Variants in ARSB observed in about 807,000 individuals in gnomAD.
ARSB encodes the protein arylsulfatase B.
Under a neutral mutation model 50.9 loss-of-function variants are expected in ARSB, and 41 were observed. The ratio of observed to expected loss-of-function variants is 0.81; its 90% CI spans 0.63 to 1.04. ARSB has a LOEUF of 1.04. ARSB is among the 50% of genes least tolerant of loss of function. The pLI is 0.00. For missense variants in ARSB, 672 were observed against 693.3 expected (o/e 0.97, Z 0.35); for synonymous variants, 269 against 284.8 (o/e 0.94, Z 0.56).
intron 6 of ARSB, among the ~76,000 whole-genome samples, chr5:78,793,067 C>T (rs1427060978): frequency 6.6e-6 from 1 of 151,822 alleles, no homozygotes; most frequent in Non-Finnish European, 1.5e-5. Flanking sequence ...CCCTTTCATA[C>T]CTGTCTTTGG....
At chr5:78,878,826 A>G (rs1235016693) in intron 5 of ARSB, among the ~76,000 whole-genome samples, 3 of 151,162 alleles carry the variant, frequency 2.0e-5, no homozygotes, top group Non-Finnish European at 4.4e-5. Context: ...ATGATAAAAA[A>G]GAAATTCCTA....
At chr5:78,812,889 G>C (rs1484339800) in intron 6 of ARSB, among the ~76,000 whole-genome samples, 9 of 152,258 alleles carry the variant, frequency 5.9e-5, no homozygotes, top group Non-Finnish European at 1.5e-5. Flanking sequence ...TACTCAGGAG[G>C]CTGATATGGG....
chr5:78,887,639 C>A (rs1748098419), intron 4 of ARSB, among the ~76,000 whole-genome samples: 1 of 152,208 alleles, frequency 6.6e-6, no homozygotes, highest in African/African-American at 2.4e-5. Context: ...TTAAAATTTA[C>A]AACAACCCAA....
chr5:78,971,528 A>G (rs1480770454), intron 1 of ARSB, among the ~76,000 whole-genome samples: 2 of 152,230 alleles, frequency 1.3e-5, no homozygotes, highest in African/African-American at 4.8e-5. Context: ...GTTTGTGAGT[A>G]TTTTATTTGC....
chr5:78,806,324 A>C (rs1179440454), intron 6 of ARSB, among the ~76,000 whole-genome samples: 1 of 152,236 alleles, frequency 6.6e-6, no homozygotes, highest in Non-Finnish European at 1.5e-5. Flanking sequence ...ATATGTAAAG[A>C]TCTTTAGAGA....
chr5:78,905,681 A>T (rs1001768287), intron 4 of ARSB, among the ~76,000 whole-genome samples: 1 of 152,064 alleles, frequency 6.6e-6, no homozygotes, highest in African/African-American at 2.4e-5. Flanking sequence ...CCTGTGTGGC[A>T]TATATGCACT....
chr5:78,965,906 C>A (rs574994748), intron 2 of ARSB, among the ~76,000 whole-genome samples: 3 of 152,144 alleles, frequency 2.0e-5, no homozygotes, highest in African/African-American at 7.2e-5. Context: ...ATATGGCAAT[C>A]TTTTCTCCTA....
intron 6 of ARSB, among the ~76,000 whole-genome samples, chr5:78,818,088 C>T (rs1744067392): frequency 6.6e-6 from 1 of 152,184 alleles, no homozygotes; most frequent in African/African-American, 2.4e-5. Flanking sequence ...ACAGAGGTTG[C>T]AGTGAACCAA....
intron 5 of ARSB, among the ~76,000 whole-genome samples, chr5:78,859,342 G>GA (rs142902355): frequency 0.025 from 3,847 of 152,132 alleles, 113 homozygotes; most frequent in South Asian, 0.11. Flanking sequence ...GTAGTCTAGA[G>GA]AAAAAAGTAA....
intron 6 of ARSB, among the ~76,000 whole-genome samples, chr5:78,838,801 G>T (rs150511130): frequency 6.6e-6 from 1 of 152,170 alleles, no homozygotes; most frequent in South Asian, 2.1e-4. Context: ...GAAGGAAATG[G>T]TAAGGCTCTT....
intron 5 of ARSB, among the ~76,000 whole-genome samples, chr5:78,857,963 C>G (rs763414698): frequency 1.3e-4 from 20 of 152,170 alleles, no homozygotes; most frequent in Non-Finnish European, 2.4e-4. Flanking sequence ...TTACACGTAT[C>G]ATTTCATTCA....
chr5:78,833,871 A>AGCTAAAGAAGCACTT (rs1360112819), intron 6 of ARSB, among the ~76,000 whole-genome samples: 1 of 152,256 alleles, frequency 6.6e-6, no homozygotes, highest in Admixed American at 6.5e-5. Context: ...TAGAAGCTGA[A>AGCTAAAGAAGCACTT]TGAACAGTTT....
Position 78,828,394 on chromosome 5 carries a change from C to A in ARSB, c.1213+10962G>T, listed in dbSNP as rs114470655. ...TAGCTTTCCCATCTCTTCTTTCATG[C>A]CTCCCCTTTGTCCCCCAAATAGGCT... On this transcript the variant is annotated intron_variant, in intron 6 of 7. Coordinates refer to ENST00000264914, the MANE Select transcript of ARSB (RefSeq NM_000046.5). 2.4e-3 allele frequency among the ~76,000 whole-genome samples: 368 copies of A among 152,218 alleles called. 2 individuals are homozygous for A. The highest frequency in any genetic ancestry group is 3.9e-3 in the Non-Finnish European group (262 of 68,018).
At chr5:78,968,212 G>C (rs1486186428) in intron 2 of ARSB, among the ~76,000 whole-genome samples, 1 of 150,224 alleles carries the variant, frequency 6.7e-6, no homozygotes, top group Non-Finnish European at 1.5e-5. Context: ...CAATGGAAGA[G>C]TCTTCCCCCA....
chr5:78,855,488 A>G (rs1746092434), intron 5 of ARSB, among the ~76,000 whole-genome samples: 1 of 152,198 alleles, frequency 6.6e-6, no homozygotes, highest in South Asian at 2.1e-4. Flanking sequence ...TGGGGATGTC[A>G]GGCCATTGGG....
At chr5:78,808,786 C>T (rs1186416994) in intron 6 of ARSB, among the ~76,000 whole-genome samples, 2 of 152,218 alleles carry the variant, frequency 1.3e-5, no homozygotes, top group African/African-American at 4.8e-5. Context: ...CCACTGGTGC[C>T]CCCACCCTGT....
chr5:78,784,025 G>A (rs1561422921), intron 6 of ARSB, among the ~76,000 whole-genome samples: 1 of 151,958 alleles, frequency 6.6e-6, no homozygotes, highest in East Asian at 1.9e-4. Context: ...AAAAGAAACT[G>A]GACAATAAAA....
intron 2 of ARSB, among the ~76,000 whole-genome samples, chr5:78,966,858 A>G (rs1752226936): frequency 6.6e-6 from 1 of 152,046 alleles, no homozygotes; most frequent in African/African-American, 2.4e-5. Context: ...CCAAGATGAC[A>G]AAGTGATCTT....
At chr5:78,829,173 G>A (rs368233978) in intron 6 of ARSB, among the ~76,000 whole-genome samples, 23 of 152,258 alleles carry the variant, frequency 1.5e-4, no homozygotes, top group African/African-American at 5.1e-4. Context: ...ACCCATGTCA[G>A]ACTTCTGACC....
Sources: allele counts gnomAD v4.1 joint callset (sites outside exome capture counted in the v4.1 genomes callset), GRCh38; gene constraint gnomAD v4.1.1; transcripts MANE v1.5; gene names NCBI Gene and HGNC (gene_info 2026-07-23, HGNC 2026-07-21).